PLEKHA2: variants seen among roughly 807,000 people sequenced by gnomAD.
PLEKHA2 encodes the protein pleckstrin homology domain containing A2.
Under a neutral mutation model 53.2 loss-of-function variants are expected in PLEKHA2, and 28 were observed. That is an observed-to-expected ratio of 0.53 (90% CI 0.39 to 0.72). PLEKHA2 has a LOEUF of 0.72. Ranked by LOEUF, PLEKHA2 falls within the 30% of genes least tolerant of loss-of-function variation. The pLI, the probability that PLEKHA2 is intolerant of heterozygous loss-of-function variation, is 0.00. For missense variants in PLEKHA2, 426 were observed against 537.9 expected (o/e 0.79, Z 2.06); for synonymous variants, 193 against 196.4 (o/e 0.98, Z 0.14).
intron 8 of PLEKHA2, among the ~76,000 whole-genome samples, 171 bp from the exon 9 acceptor site, chr8:38,953,126 C>T (rs1333773532): frequency 6.6e-6 from 1 of 152,172 alleles, no homozygotes; most frequent in Non-Finnish European, 1.5e-5. Context: ...CAGGCATGAG[C>T]CACTCTGCCC....
At position 38,936,301 on chromosome 8, in the gene PLEKHA2, C is replaced by T. The variant is rs1264324092; in HGVS notation, c.198+251C>T. ...CTTGAACACATCAATCCATAATGCT[C>T]CCAGCTCCTGCGCAGGAGGTGTTAT... On this transcript the variant is annotated intron_variant, in intron 3 of 11. Transcript: ENST00000617275. Among the ~76,000 whole-genome samples, 4 of 152,140 alleles carry T rather than the reference C, an allele frequency of 2.6e-5. No individual in the cohort carries two copies. The South Asian group carries it at 6.2e-4, about 24-fold the overall frequency.
At chr8:38,917,218 T>C (rs565868759) in intron 1 of PLEKHA2, among the ~76,000 whole-genome samples, 1 of 152,358 alleles carries the variant, frequency 6.6e-6, no homozygotes, top group East Asian at 1.9e-4. Context: ...TCTCCCATTC[T>C]GTGGGTTTTC....
At chr8:38,904,153 A>G (rs1833835594) in intron 1 of PLEKHA2, among the ~76,000 whole-genome samples, 1 of 152,176 alleles carries the variant, frequency 6.6e-6, no homozygotes, top group Admixed American at 6.5e-5. Context: ...CTGTCAGTAG[A>G]GGAGGCCGGG....
At chr8:38,940,210 C>T (rs1395493025) in intron 3 of PLEKHA2, among the ~76,000 whole-genome samples, 3 of 151,902 alleles carry the variant, frequency 2.0e-5, no homozygotes, top group African/African-American at 7.3e-5. Context: ...CCAGCCTGGC[C>T]AACATGGCGA....
At chr8:38,941,448 T>G (rs1324442838) in intron 3 of PLEKHA2, among the ~76,000 whole-genome samples, 1 of 152,246 alleles carries the variant, frequency 6.6e-6, no homozygotes, top group Non-Finnish European at 1.5e-5. Context: ...CGCATTTAAA[T>G]ACTTGTCAGG....
chr8:38,959,038 A>G (rs938672808), intron 10 of PLEKHA2, among the ~76,000 whole-genome samples: 4 of 152,182 alleles, frequency 2.6e-5, no homozygotes, highest in African/African-American at 9.6e-5. Context: ...AAATTGAGAA[A>G]AAAATTTAGG....
rs56714628 is a variant in PLEKHA2, at chr8:38,964,852, C to CTTTTTT, written c.838-3715_838-3710dup. On this transcript the variant is annotated intron_variant, in intron 10 of 11. Coordinates refer to ENST00000617275, the MANE Select transcript of PLEKHA2 (RefSeq NM_021623.2). ...TATTTTATTTTTTCTTGTTACTTCC[C>CTTTTTT]TTTTTTTTTTTTTTTTTTTTTTTTT... Among the ~76,000 whole-genome samples the CTTTTTT allele has an allele frequency of 7.1e-4, 39 of 54,974 alleles. 8 individuals are homozygous for CTTTTTT. The highest frequency in any genetic ancestry group is 3.4e-3 in the East Asian group (4 of 1,170). 36.1% of individuals were successfully genotyped at this position (54,974 alleles called of 152,430 possible).
chr8:38,950,722 G>A (rs1834817837), intron 5 of PLEKHA2, 128 bp from the exon 6 acceptor site: 11 of 1,155,272 alleles, frequency 9.5e-6, no homozygotes, highest in Middle Eastern at 4.8e-4. Context: ...GAAGGCTTGG[G>A]GAGGACACGC....
At chr8:38,908,666 C>G (rs564194303) in intron 1 of PLEKHA2, among the ~76,000 whole-genome samples, 1 of 152,286 alleles carries the variant, frequency 6.6e-6, no homozygotes. Context: ...GGTTTTAAAA[C>G]AGACCGTATA....
chr8:38,933,814 C>G (rs952020192), intron 2 of PLEKHA2, among the ~76,000 whole-genome samples: 1 of 70,730 alleles, frequency 1.4e-5, no homozygotes, highest in African/African-American at 4.6e-5. Flanking sequence ...GAAAAGCAGT[C>G]GCTATGTGGT....
At position 38,957,300 on chromosome 8, in the gene PLEKHA2, A is replaced by G. The variant is rs773911866; in HGVS notation, c.774-23A>G. 4.4e-6 allele frequency: 7 copies of G among 1,595,698 alleles called. No homozygotes were observed. In the South Asian group the frequency reaches 6.6e-5, roughly 15 times the overall value. On this transcript the variant is annotated intron_variant, in intron 9 of 11. Transcript: ENST00000617275. ...TCTGAGTATGTCAGCACGCCATAACATTCTTTCTCTTTCTCTGTCTAGTGA... is the reference window on the plus strand; with the variant it reads ...TCTGAGTATGTCAGCACGCCATAACGTTCTTTCTCTTTCTCTGTCTAGTGA...
chr8:38,960,832 A>G (rs1353001035), intron 10 of PLEKHA2: 1 of 152,240 alleles, frequency 6.6e-6, no homozygotes, highest in African/African-American at 2.4e-5. Flanking sequence ...TTTAGGTACA[A>G]TGTACAATCT....
chr8:38,943,377 C>T, intron 3 of PLEKHA2, among the ~76,000 whole-genome samples: 1 of 151,754 alleles, frequency 6.6e-6, no homozygotes, highest in Non-Finnish European at 1.5e-5. Flanking sequence ...AAAAAATTAG[C>T]CAGGAGGTGG....
At chr8:38,921,093 G>C (rs886368024) in intron 2 of PLEKHA2, among the ~76,000 whole-genome samples, 1 of 152,214 alleles carries the variant, frequency 6.6e-6, no homozygotes, top group Non-Finnish European at 1.5e-5. Flanking sequence ...GAGCCACTGC[G>C]ACTGGCCTGA....
At chr8:38,958,669 G>C (rs1834986313) in intron 10 of PLEKHA2, among the ~76,000 whole-genome samples, 1 of 152,206 alleles carries the variant, frequency 6.6e-6, no homozygotes, top group Non-Finnish European at 1.5e-5. Context: ...GCTGCCATGG[G>C]CATCGGAGCT....
At position 38,925,911 on chromosome 8, in the gene PLEKHA2, C is replaced by A. The variant is rs146430042; in HGVS notation, c.141+7841C>A. On this transcript the variant is annotated intron_variant, in intron 2 of 11. Coordinates refer to ENST00000617275, the MANE Select transcript of PLEKHA2 (RefSeq NM_021623.2). Reference sequence around the variant, plus strand: ...TTTTGCATTGTATGCTTCAACCTGTCAGAATGCCAAGAACCAGGAAATAAT... The same window carrying A: ...TTTTGCATTGTATGCTTCAACCTGTAAGAATGCCAAGAACCAGGAAATAAT... Among the ~76,000 whole-genome samples the A allele has an allele frequency of 1.7e-4, 26 of 152,324 alleles. No homozygotes were observed. In the East Asian group the frequency reaches 3.5e-3, roughly 20 times the overall value.
At position 38,933,790 on chromosome 8, in the gene PLEKHA2, A is replaced by AAAAAAAAAAAAAAAAAAAAAAAAAG. The variant is rs71216697; in HGVS notation, c.142-2200_142-2199insAAAAAAAAAAAAAAAAAAAAGAAAA. ...AATAGAGGTTTCCTAAAAAAAAAAAAAAAAGAAAAGAAAGAAAAGCAGTCG... is the reference window on the plus strand; with the variant it reads ...AATAGAGGTTTCCTAAAAAAAAAAAAAAAAAAAAAAAAAAAAAAAAAAAAGAAAAGAAAAGAAAGAAAAGCAGTCG... On this transcript the variant is annotated intron_variant, in intron 2 of 11. Transcript: ENST00000617275. 8.0e-3 allele frequency among the ~76,000 whole-genome samples: 721 copies of AAAAAAAAAAAAAAAAAAAAAAAAAG among 90,052 alleles called. 30 individuals are homozygous for AAAAAAAAAAAAAAAAAAAAAAAAAG. The highest frequency in any genetic ancestry group is 0.011 in the African/African-American group (278 of 25,760). 59.1% of individuals were successfully genotyped at this position (90,052 alleles called of 152,430 possible).
At chr8:38,931,904 C>T (rs919682194) in intron 2 of PLEKHA2, among the ~76,000 whole-genome samples, 5 of 152,132 alleles carry the variant, frequency 3.3e-5, no homozygotes, top group African/African-American at 1.2e-4. Context: ...TTAAAAATGT[C>T]CATGTTCTGA....
At chr8:38,931,421 CA>C (rs1270156815) in intron 2 of PLEKHA2, among the ~76,000 whole-genome samples, 1 of 152,178 alleles carries the variant, frequency 6.6e-6, no homozygotes, top group Non-Finnish European at 1.5e-5. Context: ...CCCTATGGCC[CA>C]TTCCTCAACT....
Sources: allele counts gnomAD v4.1 joint callset (sites outside exome capture counted in the v4.1 genomes callset), GRCh38; gene constraint gnomAD v4.1.1; transcripts MANE v1.5; gene names NCBI Gene and HGNC (gene_info 2026-07-23, HGNC 2026-07-21).